The following CABIN1 variants were observed in gnomAD, a reference collection of about 807,000 sequenced individuals.
CABIN1 encodes calcineurin-binding protein cabin-1.
A neutral mutation model predicts 227.7 loss-of-function variants in CABIN1; 133 were observed. The ratio of observed to expected loss-of-function variants is 0.58; its 90% CI spans 0.51 to 0.67. The LOEUF is 0.67. CABIN1 is among the 30% of genes least tolerant of loss of function. The probability of loss-of-function intolerance (pLI) is 0.00; values close to 1 mark genes in which losing one functional copy is unlikely to be tolerated. For missense variants in CABIN1, 2,408 were observed against 2,852.5 expected (o/e 0.84, Z 3.55); for synonymous variants, 1,086 against 1,155.1 (o/e 0.94, Z 1.21).
At chr22:24,028,578 AGCCCTT>A (rs954954023) in intron 1 of CABIN1, among the ~76,000 whole-genome samples, 1 of 152,154 alleles carries the variant, frequency 6.6e-6, no homozygotes, top group Non-Finnish European at 1.5e-5. Context: ...GTTTTTTTCC[AGCCCTT>A]GTTCTGTCTT....
At chr22:24,061,173 C>T (rs2039163090) in intron 12 of CABIN1, among the ~76,000 whole-genome samples, 1 of 152,204 alleles carries the variant, frequency 6.6e-6, no homozygotes, top group Admixed American at 6.6e-5. Context: ...GGGGCTGAGC[C>T]TCACTGAGCC....
intron 29 of CABIN1, chr22:24,156,019 G>C (rs981666524): frequency 1.7e-6 from 1 of 573,294 alleles, no homozygotes; most frequent in African/African-American, 2.0e-5. Flanking sequence ...AGCCTCCGCG[G>C]CCATGGCCCG....
chr22:24,118,052 C>T (rs950199032), intron 27 of CABIN1, among the ~76,000 whole-genome samples: 16 of 152,188 alleles, frequency 1.1e-4, no homozygotes, highest in African/African-American at 3.6e-4. Flanking sequence ...GTCATTAGGG[C>T]CACCTCAAAG....
chr22:24,056,101 A>G, intron 9 of CABIN1, 91 bp from the exon 10 acceptor site: 2 of 1,112,674 alleles, frequency 1.8e-6, no homozygotes, highest in Non-Finnish European at 2.7e-6. Flanking sequence ...ATGCTAGTAG[A>G]TTTATAAAAG....
At chr22:24,159,419 G>A (rs1265444411) in intron 29 of CABIN1, among the ~76,000 whole-genome samples, 1 of 152,248 alleles carries the variant, frequency 6.6e-6, no homozygotes, top group African/African-American at 2.4e-5. Flanking sequence ...GAGCTGGAGA[G>A]GAAAGAGACT....
intron 4 of CABIN1, 54 bp from the exon 5 acceptor site, chr22:24,041,085 T>G: frequency 6.2e-7 from 1 of 1,612,904 alleles, no homozygotes; most frequent in Non-Finnish European, 8.5e-7. Flanking sequence ...TCCTGCTGGC[T>G]GCTTGCTGAG....
chr22:24,067,195 G>A lies in CABIN1; in HGVS notation c.2232+14G>A. On this transcript the variant is annotated intron_variant, in intron 16 of 36. Transcript: ENST00000263119. ...CTTCTTCTGCAGGTGTGTGCTGCCA[G>A]TGTCCCTCACACCCACTTGCACCTT... 6.2e-7 allele frequency: 1 copy of A among 1,613,942 alleles called. No homozygotes were observed.
chr22:24,113,461 G>A, intron 26 of CABIN1, 105 bp from the exon 27 acceptor site: 2 of 1,063,026 alleles, frequency 1.9e-6, no homozygotes, highest in East Asian at 2.4e-5. Context: ...CTCCTGCAAA[G>A]CAGTCCCCAG....
chr22:24,169,809 C>G (rs1230756044), intron 33 of CABIN1, among the ~76,000 whole-genome samples: 2 of 152,226 alleles, frequency 1.3e-5, no homozygotes, highest in Non-Finnish European at 2.9e-5. Context: ...GAAACCCCCC[C>G]ACAACCCCAC....
intron 28 of CABIN1, among the ~76,000 whole-genome samples, chr22:24,124,804 C>G (rs2043617462): frequency 6.6e-6 from 1 of 152,178 alleles, no homozygotes; most frequent in Middle Eastern, 3.2e-3. Flanking sequence ...TCCTGCTCAG[C>G]TGGGAGCTGA....
intron 5 of CABIN1, among the ~76,000 whole-genome samples, chr22:24,041,698 A>G (rs1475990997): frequency 1.3e-5 from 2 of 152,216 alleles, no homozygotes; most frequent in Admixed American, 6.5e-5. Flanking sequence ...TTACAGTCAT[A>G]ATAGTATTGC....
In CABIN1 at chr22:24,077,871, C is replaced by G. The variant is rs191027016; in HGVS notation, c.2748+1587C>G. Among the ~76,000 whole-genome samples the G allele has an allele frequency of 2.1e-3, 319 of 152,262 alleles. 3 individuals are homozygous for G. The highest frequency in any genetic ancestry group is 2.7e-3 in the Admixed American group (42 of 15,294). ...AACAGGATGGTCCTATTTCATTTTTCTTAATCTGTGTCTTTTCTACTGGAG... is the reference window on the plus strand; with the variant it reads ...AACAGGATGGTCCTATTTCATTTTTGTTAATCTGTGTCTTTTCTACTGGAG... On this transcript the variant is annotated intron_variant, in intron 19 of 36. Coordinates refer to ENST00000263119, the MANE Select transcript of CABIN1 (RefSeq NM_012295.4).
intron 29 of CABIN1, among the ~76,000 whole-genome samples, chr22:24,163,296 G>T (rs2046261977): frequency 6.6e-6 from 1 of 152,270 alleles, no homozygotes; most frequent in African/African-American, 2.4e-5. Flanking sequence ...GGCTGGAGGT[G>T]CCCTGGCTTT....
chr22:24,023,781 T>C (rs1172159218), intron 1 of CABIN1, among the ~76,000 whole-genome samples: 2 of 151,838 alleles, frequency 1.3e-5, no homozygotes, highest in Admixed American at 1.3e-4. Context: ...TCACCCAGGC[T>C]GGAGTGCAGT....
chr22:24,049,762 C>T (rs1449090800), intron 7 of CABIN1, among the ~76,000 whole-genome samples: 2 of 152,308 alleles, frequency 1.3e-5, no homozygotes, highest in South Asian at 2.1e-4. Context: ...AGTTTCCAGG[C>T]GTGGTACCAT....
At chr22:24,166,099 C>G (rs945668521) in intron 31 of CABIN1, among the ~76,000 whole-genome samples, 1 of 152,222 alleles carries the variant, frequency 6.6e-6, no homozygotes, top group African/African-American at 2.4e-5. Flanking sequence ...AGGACTGCCT[C>G]CAAAGCTTAT....
intron 27 of CABIN1, among the ~76,000 whole-genome samples, chr22:24,118,395 T>C (rs1038397114): frequency 6.6e-6 from 1 of 152,158 alleles, no homozygotes; most frequent in Non-Finnish European, 1.5e-5. Context: ...CGACTTAGCA[T>C]GCGGAGAACT....
At chr22:24,139,433 G>A (rs2148297856) in intron 29 of CABIN1, among the ~76,000 whole-genome samples, 1 of 152,294 alleles carries the variant, frequency 6.6e-6, no homozygotes, top group South Asian at 2.1e-4. Context: ...GGGCGTGGTG[G>A]TGCATGCCTG....
At chr22:24,076,125 G>T (rs1227552571) in intron 18 of CABIN1, 44 bp from the exon 19 acceptor site, 2 of 1,492,584 alleles carry the variant, frequency 1.3e-6, no homozygotes, top group Middle Eastern at 1.7e-4. Flanking sequence ...AGGCACGCAG[G>T]TTCCCACACT....
Sources: allele counts gnomAD v4.1 joint callset (sites outside exome capture counted in the v4.1 genomes callset), GRCh38; gene constraint gnomAD v4.1.1; transcripts MANE v1.5; gene names NCBI Gene and HGNC (gene_info 2026-07-23, HGNC 2026-07-21).